The following MTMR8 variants were observed in gnomAD, a reference collection of about 807,000 sequenced individuals.
The protein encoded by MTMR8 is phosphatidylinositol-3,5-bisphosphate 3-phosphatase MTMR8.
A neutral mutation model predicts 39.3 loss-of-function variants in MTMR8; 65 were observed. The observed-to-expected ratio is 1.65, with a 90% CI of 1.35 to 2.03. The LOEUF is 2.03. MTMR8 is among the 30% of genes most tolerant of loss of function. MTMR8 has a pLI of 0.00. For synonymous variants in MTMR8, 245 were observed against 185.2 expected, an observed-to-expected ratio of 1.32 and a Z score of -2.62; for missense variants, 777 against 538.9, an observed-to-expected ratio of 1.44 and a Z score of -4.37.
intron 12 of MTMR8, among the ~76,000 whole-genome samples, chrX:64,303,315 T>C (rs992437959): frequency 8.9e-6 from 1 of 112,333 alleles, no homozygotes; most frequent in Non-Finnish European, 1.9e-5. Flanking sequence ...TAGCTTGTAC[T>C]CTATTTGGAT....
chrX:64,371,253 A>T (rs1028873249), intron 1 of MTMR8, among the ~76,000 whole-genome samples: 1 of 112,415 alleles, frequency 8.9e-6, no homozygotes, highest in Non-Finnish European at 1.9e-5. Context: ...TACAAGCTCA[A>T]CAGATGAAGT....
At chrX:64,296,177 C>G (rs1262424636) in intron 12 of MTMR8, among the ~76,000 whole-genome samples, 4 of 111,906 alleles carry the variant, frequency 3.6e-5, no homozygotes, top group Non-Finnish European at 7.5e-5. Flanking sequence ...CCTGAAAACA[C>G]TATGCTAAGT....
chrX:64,323,632 C>G (rs981844731), intron 12 of MTMR8, among the ~76,000 whole-genome samples: 1 of 112,434 alleles, frequency 8.9e-6, no homozygotes, highest in Non-Finnish European at 1.9e-5. Flanking sequence ...GAACATGAAA[C>G]TTTCTCTAGG....
chrX:64,268,413 G>A lies in MTMR8; in HGVS notation c.*124C>T, dbSNP rs921685312. ...TAAAGTAATTCCCTTCCAGACTTAAGTGGGGAGAGGGGTGCCCTGGCTTCA... is the reference window on the plus strand; with the variant it reads ...TAAAGTAATTCCCTTCCAGACTTAAATGGGGAGAGGGGTGCCCTGGCTTCA... On this transcript the variant is annotated 3_prime_UTR_variant, in exon 14 of 14. Coordinates refer to ENST00000374852, the MANE Select transcript of MTMR8 (RefSeq NM_017677.4). 4 of 812,253 alleles carry A rather than the reference G, an allele frequency of 4.9e-6. No homozygotes were observed. Among genetic ancestry groups the A allele is most frequent in the Non-Finnish European group, 6.9e-6 (4 of 576,929 alleles). 66.9% of individuals were successfully genotyped at this position (812,253 alleles called of 1,213,427 possible).
chrX:64,393,247 A>T (rs988249766), intron 1 of MTMR8, among the ~76,000 whole-genome samples: 8 of 111,942 alleles, frequency 7.1e-5, no homozygotes, highest in Non-Finnish European at 1.1e-4. Context: ...ACATGGGAAT[A>T]ATAATAGTAT....
At chrX:64,354,271 G>A (rs934820414) in intron 4 of MTMR8, among the ~76,000 whole-genome samples, 6 of 109,074 alleles carry the variant, frequency 5.5e-5, no homozygotes, top group African/African-American at 1.0e-4. Flanking sequence ...AAAACAGGAC[G>A]ACTACAGATA....
intron 1 of MTMR8, among the ~76,000 whole-genome samples, chrX:64,366,662 C>G (rs1411212621): frequency 8.9e-6 from 1 of 111,847 alleles, no homozygotes; most frequent in South Asian, 3.7e-4. Flanking sequence ...CAGGACGGAT[C>G]TAAATTTGAC....
chrX:64,380,960 T>C (rs1228840428), intron 1 of MTMR8, among the ~76,000 whole-genome samples: 3 of 112,345 alleles, frequency 2.7e-5, no homozygotes, highest in African/African-American at 9.7e-5. Flanking sequence ...TTCCATGGTG[T>C]ATATGTGCCA....
intron 12 of MTMR8, among the ~76,000 whole-genome samples, chrX:64,271,888 C>T (rs755783242): frequency 7.1e-5 from 8 of 112,199 alleles, no homozygotes; most frequent in Admixed American, 3.8e-4. Context: ...CCAGCTTCTC[C>T]CTGGGAAGGG....
At chrX:64,351,873 G>C (rs1287454045) in intron 4 of MTMR8, among the ~76,000 whole-genome samples, 1 of 110,907 alleles carries the variant, frequency 9.0e-6, no homozygotes, top group African/African-American at 3.3e-5. Context: ...CTGAGGGAAT[G>C]GTGCCCACCC....
intron 12 of MTMR8, among the ~76,000 whole-genome samples, chrX:64,314,535 T>A (rs1388569095): frequency 1.8e-5 from 2 of 112,824 alleles, no homozygotes; most frequent in Non-Finnish European, 3.8e-5. Context: ...TGTGCCTAGT[T>A]TCACTTGCAG....
At chrX:64,284,966 AC>A (rs1921103977) in intron 12 of MTMR8, among the ~76,000 whole-genome samples, 1 of 112,119 alleles carries the variant, frequency 8.9e-6, no homozygotes, top group Non-Finnish European at 1.9e-5. Context: ...TCAAATTCAC[AC>A]ATAGCAATAT....
At chrX:64,347,728 G>A (rs1223601128) in intron 6 of MTMR8, among the ~76,000 whole-genome samples, 1 of 112,133 alleles carries the variant, frequency 8.9e-6, no homozygotes, top group African/African-American at 3.2e-5. Context: ...TTTCTTTCTG[G>A]GGCTGTTTGT....
intron 5 of MTMR8, among the ~76,000 whole-genome samples, chrX:64,349,357 G>A (rs1429357974): frequency 9.0e-6 from 1 of 111,165 alleles, no homozygotes; most frequent in Non-Finnish European, 1.9e-5. Context: ...GCTTTTAAGG[G>A]GTCAACTCAC....
intron 12 of MTMR8, among the ~76,000 whole-genome samples, chrX:64,309,732 G>T (rs1922237544): frequency 8.9e-6 from 1 of 112,274 alleles, no homozygotes; most frequent in African/African-American, 3.2e-5. Context: ...TCACAGTAAA[G>T]TGAGTATCAC....
chrX:64,360,865 T>A lies in MTMR8; in HGVS notation c.25-1338A>T, dbSNP rs764388417. On this transcript the variant is annotated intron_variant, in intron 1 of 13. Transcript: ENST00000374852. ...ATGAGAAAGGTTAACAACATACTAG[T>A]TGAACAGTCAATGTAATGGAAATAA... 3.6e-5 allele frequency among the ~76,000 whole-genome samples: 4 copies of A among 111,517 alleles called. No homozygotes were observed. In the South Asian group the frequency reaches 1.1e-3, roughly 30 times the overall value.
chrX:64,311,683 G>A (rs1922305076), intron 12 of MTMR8, among the ~76,000 whole-genome samples: 1 of 110,504 alleles, frequency 9.0e-6, no homozygotes, highest in Non-Finnish European at 1.9e-5. Flanking sequence ...AAGGTGTAAG[G>A]AAGGGATCCA....
chrX:64,296,574 T>A (rs984815399), intron 12 of MTMR8, among the ~76,000 whole-genome samples: 4 of 70,579 alleles, frequency 5.7e-5, no homozygotes, highest in Admixed American at 4.1e-4. Flanking sequence ...CCTATGCTGG[T>A]TTTTTTTTTT....
intron 12 of MTMR8, among the ~76,000 whole-genome samples, chrX:64,275,567 C>T (rs1931853927): frequency 9.5e-6 from 1 of 105,698 alleles, no homozygotes; most frequent in Admixed American, 1.0e-4. Context: ...TGCTTGTAGT[C>T]CCAGCTACTT....
Sources: allele counts gnomAD v4.1 joint callset (sites outside exome capture counted in the v4.1 genomes callset), GRCh38; gene constraint gnomAD v4.1.1; transcripts MANE v1.5; gene names NCBI Gene and HGNC (gene_info 2026-07-23, HGNC 2026-07-21).